DCBLD2: variants seen among roughly 807,000 people sequenced by gnomAD.
DCBLD2 encodes discoidin, CUB and LCCL domain containing 2.
Under a neutral mutation model 86.8 loss-of-function variants are expected in DCBLD2, and 54 were observed. That is an observed-to-expected ratio of 0.62 (90% confidence interval 0.50 to 0.78). The LOEUF (loss-of-function observed/expected upper bound fraction) is 0.78. DCBLD2 is among the 30% of genes least tolerant of loss of function. DCBLD2 has a pLI of 0.00. For synonymous variants in DCBLD2, 354 were observed against 341.3 expected, an observed-to-expected ratio of 1.04 and a Z score of -0.41; for missense variants, 908 against 954.2, an observed-to-expected ratio of 0.95 and a Z score of 0.64.
chr3:98,877,139 T>G (rs1943386157), intron 2 of DCBLD2, among the ~76,000 whole-genome samples: 1 of 152,156 alleles, frequency 6.6e-6, no homozygotes, highest in African/African-American at 2.4e-5. Flanking sequence ...AGAATCATGT[T>G]AATGTTTAAC....
intron 1 of DCBLD2, among the ~76,000 whole-genome samples, chr3:98,882,736 G>A (rs1350845333): frequency 6.6e-6 from 1 of 152,128 alleles, no homozygotes; most frequent in Non-Finnish European, 1.5e-5. Context: ...CCATGTCCCT[G>A]CAAAGGACAT....
intron 5 of DCBLD2, 140 bp downstream of exon 5, chr3:98,822,529 A>C: frequency 8.0e-7 from 1 of 1,242,632 alleles, no homozygotes; most frequent in Non-Finnish European, 1.1e-6. Context: ...CAGAAGAAAA[A>C]GAATAAAACA....
chr3:98,831,205 A>G (rs62278510), intron 3 of DCBLD2, among the ~76,000 whole-genome samples: 15 of 140,790 alleles, frequency 1.1e-4, no homozygotes, highest in Non-Finnish European at 6.1e-5. Context: ...ATGCTGAGCT[A>G]ATTTTTTTTT....
chr3:98,821,409 A>G (rs1480486500), intron 6 of DCBLD2, among the ~76,000 whole-genome samples: 1 of 152,248 alleles, frequency 6.6e-6, no homozygotes, highest in Non-Finnish European at 1.5e-5. Flanking sequence ...CGTTTTATAA[A>G]ACAGTAGAAC....
intron 3 of DCBLD2, among the ~76,000 whole-genome samples, chr3:98,843,114 C>T (rs932123142): frequency 1.3e-5 from 2 of 152,104 alleles, no homozygotes; most frequent in South Asian, 2.1e-4. Context: ...TCTTTCTCTG[C>T]AAAATTGGTA....
intron 3 of DCBLD2, among the ~76,000 whole-genome samples, chr3:98,835,938 C>CTTTCT (rs56279917): frequency 0.086 from 9,873 of 114,970 alleles, 523 homozygotes; most frequent in East Asian, 0.12. Flanking sequence ...TCCTTTCTTT[C>CTTTCT]TTTTTTTTTT....
Position 98,798,610 on chromosome 3 carries a change from A to C in DCBLD2, c.*762T>G. 6.6e-6 allele frequency: 1 copy of C among 152,214 alleles called. No homozygotes were observed. Among genetic ancestry groups the C allele is most frequent in the Non-Finnish European group, 1.5e-5 (1 of 68,042 alleles). 9.4% of individuals were successfully genotyped at this position (152,214 alleles called of 1,614,324 possible). On this transcript the variant is annotated 3_prime_UTR_variant, in exon 16 of 16. Transcript: ENST00000326840. ...TTGAGGAGCATACTTAAAGGACATG[A>C]AGGGATCTGAATTCATGAGACTAAG...
At chr3:98,874,083 A>C in intron 2 of DCBLD2, among the ~76,000 whole-genome samples, 1 of 152,224 alleles carries the variant, frequency 6.6e-6, no homozygotes, top group Non-Finnish European at 1.5e-5. Context: ...TCCTGAGAAG[A>C]AACAGAGAAC....
chr3:98,880,104 G>A (rs377592256), intron 2 of DCBLD2, among the ~76,000 whole-genome samples: 122 of 152,322 alleles, frequency 8.0e-4, no homozygotes, highest in African/African-American at 2.8e-3. Context: ...CAATACGCAC[G>A]TGGTGCTCAA....
intron 1 of DCBLD2, among the ~76,000 whole-genome samples, chr3:98,899,290 C>T (rs1943806605): frequency 7.1e-6 from 1 of 140,316 alleles, no homozygotes; most frequent in Non-Finnish European, 1.5e-5. Flanking sequence ...GAGACAGTCT[C>T]GCTCTGTCGC....
chr3:98,830,299 T>C (rs1439769560), intron 3 of DCBLD2, among the ~76,000 whole-genome samples: 1 of 152,244 alleles, frequency 6.6e-6, no homozygotes, highest in Non-Finnish European at 1.5e-5. Flanking sequence ...GTCTTCATCA[T>C]GAAATCTTTG....
At chr3:98,897,470 T>A (rs1943769902) in intron 1 of DCBLD2, among the ~76,000 whole-genome samples, 3 of 152,292 alleles carry the variant, frequency 2.0e-5, no homozygotes, top group Admixed American at 6.5e-5. Context: ...TGGAAATTTC[T>A]AAATTAACCT....
intron 9 of DCBLD2, chr3:98,816,181 CA>C (rs1942019291): frequency 8.0e-6 from 1 of 124,778 alleles, no homozygotes; most frequent in Non-Finnish European, 1.7e-5. Context: ...GAATTCTTGT[CA>C]AAAACAATGC....
chr3:98,799,752 C>T lies in DCBLD2; in HGVS notation c.1948G>A (p.Ala650Thr). The T allele has an allele frequency of 6.2e-7, 1 of 1,613,956 alleles. No individual in the cohort carries two copies. Among genetic ancestry groups the T allele is most frequent in the Admixed American group, 1.7e-5 (1 of 59,994 alleles). Residue 650 changes from alanine to threonine, a missense_variant, in exon 16 of 16, where the codon GCA becomes ACA. Ala to Thr is a moderately conservative substitution (Grantham distance 58). This residue lies in a region of DCBLD2 where 606 missense variants were observed against 678.5 expected (regional missense o/e 0.89). Coordinates refer to ENST00000326840, the MANE Select transcript of DCBLD2 (RefSeq NM_080927.4). ...GGTGAGTTGTAAGGATCTAGGTCTG[C>T]ATAGCCTGCTTCTTTTCCTTCTTCT... Reference protein sequence around the residue: ...KPEEGKEAGYADLDPYNSPGQ... With the variant: ...KPEEGKEAGYTDLDPYNSPGQ...
At chr3:98,846,430 A>G (rs1009288775) in intron 3 of DCBLD2, among the ~76,000 whole-genome samples, 22 of 152,232 alleles carry the variant, frequency 1.4e-4, no homozygotes, top group Admixed American at 1.4e-3. Flanking sequence ...GCAACCTTCA[A>G]ATTAATGAGT....
At chr3:98,824,024 G>A (rs1316320004) in intron 4 of DCBLD2, among the ~76,000 whole-genome samples, 1 of 152,188 alleles carries the variant, frequency 6.6e-6, no homozygotes, top group Non-Finnish European at 1.5e-5. Flanking sequence ...GCATGAGGCA[G>A]GATGGCCTAG....
chr3:98,846,009 C>T (rs543196105), intron 3 of DCBLD2, among the ~76,000 whole-genome samples: 27 of 152,318 alleles, frequency 1.8e-4, no homozygotes, highest in Middle Eastern at 3.4e-3. Context: ...ATGAAGTAAT[C>T]GTTTAATATC....
In DCBLD2 at chr3:98,799,467, G is replaced by A. The variant is rs369878268; in HGVS notation, c.2233C>T (p.Pro745Ser). The change falls in exon 16 of 16, where the codon CCA becomes TCA. Residue 745 changes from proline (P) to serine (S), a missense_variant. Around this residue, in one of 3 missense-constraint regions of DCBLD2, gnomAD observed 606 missense variants for 678.5 expected, o/e 0.89. Transcript: ENST00000326840. ...GGCACCTGGTACACCAATTCGTCTG[G>A]GGCAGGTAGACCTGGCTTCCCAGCT... is the stretch of plus-strand genomic sequence containing the variant. ...PKAGKPGLPA[P>S]DELVYQVPQS... 269 of 1,613,842 alleles carry A rather than the reference G, an allele frequency of 1.7e-4. No individual in the cohort carries two copies. The highest frequency in any genetic ancestry group is 2.2e-4 in the Non-Finnish European group (265 of 1,179,886).
rs1576151690 is a variant in DCBLD2, at chr3:98,800,570, C to A, written c.1858+9G>T. The A allele has an allele frequency of 6.2e-7, 1 of 1,610,048 alleles. No homozygotes were observed. Among genetic ancestry groups the A allele is most frequent in the Non-Finnish European group, 8.5e-7 (1 of 1,177,638 alleles). On this transcript the variant is annotated intron_variant, in intron 15 of 15. Coordinates refer to ENST00000326840, the MANE Select transcript of DCBLD2 (RefSeq NM_080927.4). ...TCTGCCTGGTACCAGAAGGCTGCAACATAGTTACCTGCAGAGTCAGCCTGC... is the reference window on the plus strand; with the variant it reads ...TCTGCCTGGTACCAGAAGGCTGCAAAATAGTTACCTGCAGAGTCAGCCTGC...
Sources: gnomAD v4.1 joint callset for allele counts (sites outside exome capture counted in the v4.1 genomes callset) on GRCh38, gnomAD v4.1.1 for gene constraint, gnomAD v4.1.1 regional missense constraint, MANE v1.5 for transcripts, NCBI Gene and HGNC (gene_info 2026-07-23, HGNC 2026-07-21) for gene names.